STK33: variants seen among roughly 807,000 people sequenced by gnomAD.
STK33 encodes the protein serine/threonine kinase 33, also known as serine/threonine-protein kinase 33.
Under a neutral mutation model 58.0 loss-of-function variants are expected in STK33, and 52 were observed. That is an observed-to-expected ratio of 0.90 (90% CI 0.72 to 1.13). The LOEUF is 1.13. Ranked by LOEUF, STK33 falls within the 50% of genes most tolerant of loss-of-function variation. The probability of loss-of-function intolerance (pLI) is 0.00; values close to 1 mark genes in which losing one functional copy is unlikely to be tolerated. For missense variants in STK33, 630 were observed against 604.2 expected (o/e 1.04, Z -0.45); for synonymous variants, 215 against 200.1 (o/e 1.07, Z -0.63).
chr11:8,474,961 A>T lies in STK33; in HGVS notation c.-56T>A, dbSNP rs1949131170. 1.3e-6 allele frequency: 2 copies of T among 1,493,360 alleles called. No homozygotes were observed. The highest frequency in any genetic ancestry group is 1.8e-6 in the Non-Finnish European group (2 of 1,113,218). The allele number at this position is 1,493,360 out of a possible 1,614,324, so 92.5% of individuals were successfully genotyped here. On this transcript the variant is annotated 5_prime_UTR_variant, in exon 5 of 16. Coordinates refer to ENST00000687296, the MANE Select transcript of STK33 (RefSeq NM_001352389.2). ...AAAATGTTTCCACTGTTTGAGGAAG[A>T]AAACCAGGCCAAAAAGGATAAGGTA...
At chr11:8,408,422 C>T (rs1436666916) in intron 15 of STK33, among the ~76,000 whole-genome samples, 1 of 152,124 alleles carries the variant, frequency 6.6e-6, no homozygotes, top group African/African-American at 2.4e-5. Context: ...TCTGGTTAAG[C>T]CTGTGGTAAA....
intron 1 of STK33, among the ~76,000 whole-genome samples, chr11:8,535,349 G>C (rs1954912979): frequency 6.6e-6 from 1 of 151,774 alleles, no homozygotes; most frequent in Non-Finnish European, 1.5e-5. Flanking sequence ...ATTCAACAGG[G>C]GACTAATATC....
At chr11:8,513,744 T>C (rs1445179913) in intron 1 of STK33, among the ~76,000 whole-genome samples, 2 of 152,214 alleles carry the variant, frequency 1.3e-5, no homozygotes, top group Non-Finnish European at 2.9e-5. Context: ...GATGCAGGCA[T>C]GCAATGTGTA....
chr11:8,363,410 G>A, the STK33 span, among the ~76,000 whole-genome samples: 1 of 152,124 alleles, frequency 6.6e-6, no homozygotes, highest in Non-Finnish European at 1.5e-5. Context: ...ATCAAGATCT[G>A]GAATATATCC....
At chr11:8,433,060 T>C (rs1943603531) in intron 14 of STK33, among the ~76,000 whole-genome samples, 1 of 152,230 alleles carries the variant, frequency 6.6e-6, no homozygotes, top group Non-Finnish European at 1.5e-5. Flanking sequence ...AGGCACACCA[T>C]CTGTTTTACA....
intron 11 of STK33, among the ~76,000 whole-genome samples, chr11:8,447,534 A>G (rs1378969175): frequency 6.6e-6 from 1 of 152,190 alleles, no homozygotes; most frequent in Non-Finnish European, 1.5e-5. Flanking sequence ...AACGACAAAA[A>G]CCATATGATT....
At chr11:8,487,217 A>G (rs1293789941) in intron 1 of STK33, among the ~76,000 whole-genome samples, 1 of 152,044 alleles carries the variant, frequency 6.6e-6, no homozygotes, top group Non-Finnish European at 1.5e-5. Flanking sequence ...TGCGCCCAAG[A>G]GTTTGAGACC....
At chr11:8,437,778 T>G (rs1457070622) in intron 12 of STK33, among the ~76,000 whole-genome samples, 3 of 152,194 alleles carry the variant, frequency 2.0e-5, no homozygotes, top group Non-Finnish European at 4.4e-5. Context: ...TCCTAGTGGT[T>G]TATCAAACTA....
the STK33 span, among the ~76,000 whole-genome samples, chr11:8,353,706 G>A: frequency 6.6e-6 from 1 of 152,186 alleles, no homozygotes; most frequent in African/African-American, 2.4e-5. Flanking sequence ...TTCCTCGGAG[G>A]AGGCCTGGGG....
intron 1 of STK33, among the ~76,000 whole-genome samples, chr11:8,544,112 C>T (rs1203336034): frequency 1.3e-5 from 2 of 151,760 alleles, no homozygotes; most frequent in African/African-American, 4.8e-5. Flanking sequence ...CTGCACCCAT[C>T]AACCCGTCAA....
At chr11:8,436,469 A>T (rs1264204449) in intron 12 of STK33, among the ~76,000 whole-genome samples, 1 of 152,198 alleles carries the variant, frequency 6.6e-6, no homozygotes, top group African/African-American at 2.4e-5. Context: ...GGTGAGTGTA[A>T]GTGTACAATA....
At chr11:8,348,018 AGAG>A in the STK33 span, among the ~76,000 whole-genome samples, 1 of 152,206 alleles carries the variant, frequency 6.6e-6, no homozygotes, top group Non-Finnish European at 1.5e-5. Context: ...CTAGTCCCTG[AGAG>A]GAGAAGAGAC....
chr11:8,584,998 C>T (rs2031241561), intron 1 of STK33, among the ~76,000 whole-genome samples: 1 of 150,060 alleles, frequency 6.7e-6, no homozygotes, highest in Non-Finnish European at 1.5e-5. Context: ...TCTCAGCTGA[C>T]TGCAACCCCC....
At chr11:8,369,788 T>C in the STK33 span, among the ~76,000 whole-genome samples, 10,442 of 152,322 alleles carry the variant, frequency 0.069, 377 homozygotes, top group Non-Finnish European at 0.074. Context: ...AGGACCTTGG[T>C]TGCTGTGCAT....
chr11:8,429,804 C>T, intron 14 of STK33, among the ~76,000 whole-genome samples: 1 of 152,122 alleles, frequency 6.6e-6, no homozygotes, highest in Admixed American at 6.6e-5. Flanking sequence ...CTTGGTTCAC[C>T]TCCTCGTTAA....
chr11:8,346,208 G>A, the STK33 span, among the ~76,000 whole-genome samples: 1 of 152,238 alleles, frequency 6.6e-6, no homozygotes, highest in Non-Finnish European at 1.5e-5. Flanking sequence ...ATGTGTGGCA[G>A]GGGAGAAGCC....
chr11:8,514,330 ATAACAGAT>A, intron 1 of STK33, among the ~76,000 whole-genome samples: 1 of 152,242 alleles, frequency 6.6e-6, no homozygotes, highest in East Asian at 1.9e-4. Flanking sequence ...TTTTAACACA[ATAACAGAT>A]TAAACCTTTG....
At chr11:8,388,438 G>C (rs911791528), downstream of STK33, among the ~76,000 whole-genome samples, 12 of 152,392 alleles carry the variant, frequency 7.9e-5, no homozygotes, top group South Asian at 1.4e-3. Flanking sequence ...TGAGAATTAA[G>C]TGATAACAAT....
At chr11:8,346,278 CG>C in the STK33 span, among the ~76,000 whole-genome samples, 1 of 152,142 alleles carries the variant, frequency 6.6e-6, no homozygotes, top group Non-Finnish European at 1.5e-5. Context: ...CCTTTAGTTA[CG>C]GGGCACCGTG....
Sources: allele counts gnomAD v4.1 joint callset (sites outside exome capture counted in the v4.1 genomes callset), GRCh38; gene constraint gnomAD v4.1.1; transcripts MANE v1.5; gene names NCBI Gene and HGNC (gene_info 2026-07-23, HGNC 2026-07-21).